The following STPG4 variants were observed in gnomAD, a reference collection of about 807,000 sequenced individuals.
STPG4 encodes the protein protein STPG4.
Under a neutral mutation model 31.5 loss-of-function variants are expected in STPG4, and 41 were observed. The ratio of observed to expected loss-of-function variants is 1.30; its 90% confidence interval spans 1.01 to 1.69. The LOEUF is 1.69. Among genes scored for constraint, STPG4 ranks in the 40% most tolerant of loss-of-function variants. The probability of loss-of-function intolerance (pLI) is 0.00; values close to 1 mark genes in which losing one functional copy is unlikely to be tolerated. For missense variants in STPG4, 375 were observed against 293.4 expected (o/e 1.28, Z -2.03); for synonymous variants, 141 against 103.0 (o/e 1.37, Z -2.24).
chr2:47,127,250 T>TTC, intron 5 of STPG4, among the ~76,000 whole-genome samples: 1 of 100,510 alleles, frequency 9.9e-6, no homozygotes, highest in Non-Finnish European at 2.0e-5. Flanking sequence ...TTCAAGCTAA[T>TTC]TCTTTTTTTT....
At chr2:47,127,260 T>A (rs1403024910) in intron 5 of STPG4, among the ~76,000 whole-genome samples, 1 of 22,068 alleles carries the variant, frequency 4.5e-5, no homozygotes, top group Admixed American at 8.0e-4. Context: ...TTCTTTTTTT[T>A]TTTTTTTTTT....
Position 47,090,362 on chromosome 2 carries a change from C to T in STPG4, c.532G>A (p.Gly178Ser), listed in dbSNP as rs943031481. 1.9e-6 allele frequency: 3 copies of T among 1,550,638 alleles called. No homozygotes were observed. The highest frequency in any genetic ancestry group is 1.4e-5 in the African/African-American group (1 of 73,136). Reference sequence around the variant, plus strand: ...ATTTTCACATTATAATGACCTGGACCAGGGCCTTCATGCTATTGAACATTT... The same window carrying T: ...ATTTTCACATTATAATGACCTGGACTAGGGCCTTCATGCTATTGAACATTT... ...TTYFIPHEGP[G>S]PGHYNVKMPP... Residue 178 changes from glycine to serine, a missense_variant, in exon 6 of 7, where the codon GGT (glycine) becomes AGT (serine). Gly to Ser is a moderately conservative substitution (Grantham distance 56). Transcript: ENST00000445927.
chr2:47,106,851 C>T (rs1032120582), intron 5 of STPG4, among the ~76,000 whole-genome samples: 1 of 151,796 alleles, frequency 6.6e-6, no homozygotes, highest in African/African-American at 2.4e-5. Context: ...AATTTGTTTC[C>T]TCTAGAATCG....
At chr2:47,131,451 A>G (rs1686482693) in intron 3 of STPG4, among the ~76,000 whole-genome samples, 1 of 152,198 alleles carries the variant, frequency 6.6e-6, no homozygotes, top group Non-Finnish European at 1.5e-5. Context: ...AATATTCTAG[A>G]TTCAACAAAT....
chr2:47,096,076 A>T (rs1685664125), intron 5 of STPG4, among the ~76,000 whole-genome samples: 3 of 152,222 alleles, frequency 2.0e-5, no homozygotes, highest in African/African-American at 4.8e-5. Context: ...TATCTTGCTT[A>T]TAACATTGTT....
At chr2:47,108,983 G>T (rs571792573) in intron 5 of STPG4, among the ~76,000 whole-genome samples, 1 of 152,196 alleles carries the variant, frequency 6.6e-6, no homozygotes, top group South Asian at 2.1e-4. Flanking sequence ...TACCTAACGT[G>T]CCAAGGTTAT....
intron 5 of STPG4, among the ~76,000 whole-genome samples, chr2:47,097,895 A>T (rs560056896): frequency 6.6e-6 from 1 of 150,586 alleles, no homozygotes; most frequent in African/African-American, 2.4e-5. Context: ...ACGTGGGTAG[A>T]TCTCTTGAGG....
chr2:47,115,621 G>A (rs1054102864), intron 5 of STPG4, among the ~76,000 whole-genome samples: 2 of 135,476 alleles, frequency 1.5e-5, no homozygotes, highest in Non-Finnish European at 3.2e-5. Context: ...CCTTCTGTCT[G>A]TTTATCTCCA....
At chr2:47,129,771 G>T in intron 5 of STPG4, 170 bp downstream of exon 5, 1 of 742,776 alleles carries the variant, frequency 1.3e-6, no homozygotes, top group Non-Finnish European at 2.1e-6. Context: ...CTTGCTTTTT[G>T]GTTCTTACAG....
intron 5 of STPG4, among the ~76,000 whole-genome samples, chr2:47,124,694 C>T (rs991661851): frequency 6.6e-5 from 10 of 152,320 alleles, no homozygotes; most frequent in Non-Finnish European, 1.2e-4. Context: ...ACTAAGGTTG[C>T]TTCCAAATCT....
chr2:47,128,621 C>T (rs926395547), intron 5 of STPG4, among the ~76,000 whole-genome samples: 1 of 152,144 alleles, frequency 6.6e-6, no homozygotes, highest in Admixed American at 6.5e-5. Context: ...CTAATGTTCA[C>T]TCAAGGCTCT....
chr2:47,088,724 CAT>C (rs1437796578), intron 6 of STPG4, among the ~76,000 whole-genome samples: 1 of 152,218 alleles, frequency 6.6e-6, no homozygotes, highest in Non-Finnish European at 1.5e-5. Flanking sequence ...GTCCAGAGCA[CAT>C]GAGATCAGCT....
chr2:47,143,241 T>C (rs891914555), intron 3 of STPG4, among the ~76,000 whole-genome samples: 1 of 152,216 alleles, frequency 6.6e-6, no homozygotes, highest in Non-Finnish European at 1.5e-5. Context: ...GGTTGCCAAA[T>C]TGCCCTCCAA....
At chr2:47,105,742 G>C (rs917520669) in intron 5 of STPG4, among the ~76,000 whole-genome samples, 1 of 151,998 alleles carries the variant, frequency 6.6e-6, no homozygotes, top group South Asian at 2.1e-4. Context: ...CCAGTTAGCA[G>C]AACTAGTGGC....
chr2:47,119,189 C>T (rs1389961105), intron 5 of STPG4, among the ~76,000 whole-genome samples: 4 of 152,196 alleles, frequency 2.6e-5, no homozygotes, highest in African/African-American at 7.2e-5. Flanking sequence ...ATCCATAAGT[C>T]TGCTCTGGGA....
At chr2:47,096,656 C>T (rs1685675136) in intron 5 of STPG4, among the ~76,000 whole-genome samples, 1 of 152,150 alleles carries the variant, frequency 6.6e-6, no homozygotes, top group Admixed American at 6.6e-5. Flanking sequence ...ATGTGTCAAA[C>T]CTCATTAAAA....
intron 5 of STPG4, among the ~76,000 whole-genome samples, chr2:47,116,783 G>T (rs1486020868): frequency 6.6e-6 from 1 of 152,184 alleles, no homozygotes; most frequent in East Asian, 1.9e-4. Context: ...GCATTTAGAA[G>T]AGGACATGTG....
At chr2:47,134,653 G>A (rs953190398) in intron 3 of STPG4, among the ~76,000 whole-genome samples, 1 of 152,206 alleles carries the variant, frequency 6.6e-6, no homozygotes, top group Admixed American at 6.5e-5. Context: ...TATGAATAAA[G>A]CTGCTATAAA....
At position 47,129,890 on chromosome 2, in the gene STPG4, G is replaced by A. The variant is rs377342232; in HGVS notation, c.519+51C>T. ...CTTGCTCCACTCCAGAAAGCACAGCGTATTTTAAACATCAAATTCATCATG... is the reference window on the plus strand; with the variant it reads ...CTTGCTCCACTCCAGAAAGCACAGCATATTTTAAACATCAAATTCATCATG... On this transcript the variant is annotated intron_variant, in intron 5 of 6. Coordinates refer to ENST00000445927, the MANE Select transcript of STPG4 (RefSeq NM_001163561.2). 3.9e-5 allele frequency: 62 copies of A among 1,596,894 alleles called. No individual in the cohort carries two copies. In the African/African-American group the frequency reaches 5.6e-4, roughly 14 times the overall value.
Sources: allele counts gnomAD v4.1 joint callset (sites outside exome capture counted in the v4.1 genomes callset), GRCh38; gene constraint gnomAD v4.1.1; transcripts MANE v1.5; gene names NCBI Gene and HGNC (gene_info 2026-07-23, HGNC 2026-07-21).